The following PACC1 variants were observed in gnomAD, a reference collection of about 807,000 sequenced individuals.
PACC1 encodes proton-activated chloride channel.
In PACC1, 34 loss-of-function variants were observed where a neutral mutation model predicts 39.7. The ratio of observed to expected loss-of-function variants is 0.86; its 90% CI spans 0.65 to 1.14. The LOEUF (loss-of-function observed/expected upper bound fraction) is 1.14, where lower values mean the gene tolerates loss of function less well. PACC1 is among the 50% of genes most tolerant of loss of function. PACC1 has a pLI of 0.00. For synonymous variants in PACC1, 127 were observed against 160.6 expected (o/e 0.79, Z 1.58); for missense variants, 379 against 436.4 (o/e 0.87, Z 1.17).
Position 212,365,073 on chromosome 1 carries a change from G to T in PACC1, c.*142C>A. ...CGCCTCTTTTGGGACGGGGTTAGAAGTTCCAGTTTTACATGCTGTTCCTCC... is the reference window on the plus strand; with the variant it reads ...CGCCTCTTTTGGGACGGGGTTAGAATTTCCAGTTTTACATGCTGTTCCTCC... On this transcript the variant is annotated 3_prime_UTR_variant, in exon 8 of 8. Transcript: ENST00000261455. The T allele has an allele frequency of 1.3e-6, 1 of 777,576 alleles. No homozygotes were observed. The highest frequency in any genetic ancestry group is 2.0e-6 in the Non-Finnish European group (1 of 509,932). 48.2% of individuals were successfully genotyped at this position (777,576 alleles called of 1,614,324 possible).
At chr1:212,414,175 C>T in intron 1 of PACC1, 1 of 1,341,534 alleles carries the variant, frequency 7.5e-7, no homozygotes, top group Admixed American at 2.8e-5. Flanking sequence ...GGAGCGAGAA[C>T]TAGCAGAGTC....
intron 2 of PACC1, among the ~76,000 whole-genome samples, chr1:212,396,482 T>G (rs576932972): frequency 6.6e-6 from 1 of 152,194 alleles, no homozygotes; most frequent in Non-Finnish European, 1.5e-5. Flanking sequence ...ATATACCTAA[T>G]GTAAATGACG....
At chr1:212,400,284 A>C (rs1175289380) in intron 2 of PACC1, among the ~76,000 whole-genome samples, 1 of 152,230 alleles carries the variant, frequency 6.6e-6, no homozygotes, top group Non-Finnish European at 1.5e-5. Flanking sequence ...TTTTGCCTTC[A>C]TGATGGCCTT....
At chr1:212,410,743 A>C (rs1363815048) in intron 1 of PACC1, among the ~76,000 whole-genome samples, 1 of 152,240 alleles carries the variant, frequency 6.6e-6, no homozygotes, top group Non-Finnish European at 1.5e-5. Context: ...CAAGTACCAC[A>C]AACCGAACAG....
chr1:212,369,025 C>CAAAA (rs60126911), intron 7 of PACC1, among the ~76,000 whole-genome samples: 8 of 122,860 alleles, frequency 6.5e-5, no homozygotes, highest in Admixed American at 3.1e-4. Flanking sequence ...GACTCCGTCT[C>CAAAA]AAAAAAAAAA....
intron 4 of PACC1, among the ~76,000 whole-genome samples, chr1:212,380,606 C>G (rs1186497011): frequency 1.3e-5 from 2 of 152,264 alleles, no homozygotes; most frequent in South Asian, 4.2e-4. Flanking sequence ...ACTTCCCAAA[C>G]AATGCATAGA....
intron 2 of PACC1, among the ~76,000 whole-genome samples, chr1:212,400,572 A>G (rs1403280536): frequency 6.6e-6 from 1 of 152,188 alleles, no homozygotes; most frequent in African/African-American, 2.4e-5. Flanking sequence ...CACACTTGCT[A>G]TAAGTAACAC....
In PACC1 at chr1:212,408,073, CAA is replaced by C. The variant is rs77122055; in HGVS notation, c.133+2350_133+2351del. Among the ~76,000 whole-genome samples the C allele has an allele frequency of 6.7e-3, 454 of 67,702 alleles. 5 individuals carry two copies. Among genetic ancestry groups the C allele is most frequent in the African/African-American group, 0.022 (413 of 19,046 alleles). 44.4% of individuals were successfully genotyped at this position (67,702 alleles called of 152,430 possible). Reference sequence around the variant, plus strand: ...TGGGTGACAGAGTGAGACTCCATCTCAAAAAAAAAAAAAAAAAGAAAACACCA... The same window carrying C: ...TGGGTGACAGAGTGAGACTCCATCTCAAAAAAAAAAAAAAAGAAAACACCA... On this transcript the variant is annotated intron_variant, in intron 2 of 7. Coordinates refer to ENST00000261455, the MANE Select transcript of PACC1 (RefSeq NM_018252.3).
chr1:212,394,279 C>A (rs184676814), intron 2 of PACC1, among the ~76,000 whole-genome samples: 8 of 152,298 alleles, frequency 5.3e-5, no homozygotes, highest in Admixed American at 3.9e-4. Flanking sequence ...AAGGCTGGTT[C>A]AACATATGCA....
chr1:212,408,029 G>GTGCCAC (rs990939320), intron 2 of PACC1, among the ~76,000 whole-genome samples: 3 of 149,480 alleles, frequency 2.0e-5, no homozygotes, highest in Non-Finnish European at 4.4e-5. Context: ...AGCCGAGACT[G>GTGCCAC]TGCCACTGCA....
chr1:212,386,806 C>T lies in PACC1; in HGVS notation c.343+85G>A. On this transcript the variant is annotated intron_variant, in intron 3 of 7. Transcript: ENST00000261455. The surrounding 1 kb of genome is among the most constrained non-coding windows in gnomAD (Gnocchi z 5.0). ...CTCCTCTGCCCTGCCCGTAGTACCACAAATACAACGGCAGCTCAGGGAGTA... is the reference window on the plus strand; with the variant it reads ...CTCCTCTGCCCTGCCCGTAGTACCATAAATACAACGGCAGCTCAGGGAGTA... 1 of 1,387,796 alleles carries T rather than the reference C, an allele frequency of 7.2e-7. No individual in the cohort carries two copies. The highest frequency in any genetic ancestry group is 1.0e-6 in the Non-Finnish European group (1 of 983,150). The allele number at this position is 1,387,796 out of a possible 1,614,324, so 86.0% of individuals were successfully genotyped here.
At chr1:212,373,226 G>A (rs73084500) in intron 7 of PACC1, among the ~76,000 whole-genome samples, 10,304 of 152,174 alleles carry the variant, frequency 0.068, 1,140 homozygotes, top group African/African-American at 0.23. Context: ...ACTCATTTTT[G>A]ACAAAGGCAC....
chr1:212,402,912 C>T (rs1661768543), intron 2 of PACC1, among the ~76,000 whole-genome samples: 1 of 152,162 alleles, frequency 6.6e-6, no homozygotes, highest in African/African-American at 2.4e-5. Context: ...CCTCGACCTC[C>T]CAAAGTGCTG....
chr1:212,413,198 A>G (rs1481695721), intron 1 of PACC1, among the ~76,000 whole-genome samples: 1 of 152,222 alleles, frequency 6.6e-6, no homozygotes, highest in East Asian at 1.9e-4. Flanking sequence ...CAGATGGAAT[A>G]AAGGGGATGG....
chr1:212,405,168 C>T (rs764334625), intron 2 of PACC1, among the ~76,000 whole-genome samples: 22 of 152,094 alleles, frequency 1.4e-4, no homozygotes, highest in Admixed American at 7.9e-4. Context: ...CTCAGTTGCT[C>T]CTAGATGAGA....
At chr1:212,398,533 G>A (rs1661600936) in intron 2 of PACC1, among the ~76,000 whole-genome samples, 1 of 152,232 alleles carries the variant, frequency 6.6e-6, no homozygotes, top group Non-Finnish European at 1.5e-5. Context: ...ACTGTGGGCA[G>A]TGGAGGTTTA....
chr1:212,397,217 C>T (rs1204882537), intron 2 of PACC1, among the ~76,000 whole-genome samples: 1 of 151,952 alleles, frequency 6.6e-6, no homozygotes, highest in African/African-American at 2.4e-5. Context: ...AATTACTCAA[C>T]AATATGGTAA....
intron 7 of PACC1, among the ~76,000 whole-genome samples, chr1:212,370,964 G>A (rs1660428505): frequency 6.6e-6 from 1 of 152,128 alleles, no homozygotes; most frequent in African/African-American, 2.4e-5. Flanking sequence ...TTAGTTGTTT[G>A]AGGCCGGGCG....
At chr1:212,365,863 C>A (rs772974987) in intron 7 of PACC1, among the ~76,000 whole-genome samples, 28 of 152,144 alleles carry the variant, frequency 1.8e-4, no homozygotes, top group Non-Finnish European at 3.5e-4. Context: ...CAATAAGTGA[C>A]CTTGCTTTGA....
Sources: gnomAD v4.1 joint callset for allele counts (sites outside exome capture counted in the v4.1 genomes callset) on GRCh38, gnomAD v4.1.1 for gene constraint, Gnocchi (gnomAD v3.1) non-coding constraint, MANE v1.5 for transcripts, NCBI Gene and HGNC (gene_info 2026-07-23, HGNC 2026-07-21) for gene names.